The following ALOX12B variants were observed in gnomAD, a reference collection of about 807,000 sequenced individuals.
ALOX12B encodes the protein arachidonate 12-lipoxygenase, 12R-type.
Under a neutral mutation model 78.9 loss-of-function variants are expected in ALOX12B, and 47 were observed. The observed-to-expected ratio is 0.60, with a 90% confidence interval of 0.47 to 0.76. The LOEUF (loss-of-function observed/expected upper bound fraction) is 0.76. Among genes scored for constraint, ALOX12B ranks in the 30% least tolerant of loss-of-function variants. The pLI, the probability that ALOX12B is intolerant of heterozygous loss-of-function variation, is 0.00. For synonymous variants in ALOX12B, 370 were observed against 374.5 expected, an observed-to-expected ratio of 0.99 and a Z score of 0.14; for missense variants, 805 against 922.6, an observed-to-expected ratio of 0.87 and a Z score of 1.65.
intron 11 of ALOX12B, 25 bp from the exon 12 acceptor site, chr17:8,075,741 T>G: frequency 6.2e-7 from 1 of 1,614,064 alleles, no homozygotes. Context: ...GGGCCTCAGT[T>G]TGGATCCTCC....
rs543734853 is a variant in ALOX12B, at chr17:8,082,100, C to T, written c.353-913G>A. ...TTTTTCATGACTGAATAGTATTCCACTGTGTATATATACCACATTTTCTTT... is the reference window on the plus strand; with the variant it reads ...TTTTTCATGACTGAATAGTATTCCATTGTGTATATATACCACATTTTCTTT... On this transcript the variant is annotated intron_variant, in intron 2 of 14. Coordinates refer to ENST00000647874, the MANE Select transcript of ALOX12B (RefSeq NM_001139.3). Among the ~76,000 whole-genome samples the T allele has an allele frequency of 1.4e-4, 21 of 152,284 alleles. No homozygotes were observed. In the South Asian group the frequency reaches 4.4e-3, roughly 32 times the overall value.
chr17:8,075,734 C>T lies in ALOX12B; in HGVS notation c.1533-18G>A, dbSNP rs374760887. 163 of 1,614,042 alleles carry T rather than the reference C, an allele frequency of 1.0e-4. No homozygotes were observed. Among genetic ancestry groups the T allele is most frequent in the Non-Finnish European group, 1.3e-4 (156 of 1,180,022 alleles). On this transcript the variant is annotated intron_variant, in intron 11 of 14. Transcript: ENST00000647874. ...TCACATACCTGACCAGGGGACAGGG[C>T]CTCAGTTTGGATCCTCCTCCCCTCC...
Position 8,081,307 on chromosome 17 carries a change from G to C in ALOX12B, c.353-120C>G, listed in dbSNP as rs1052381247. The C allele has an allele frequency of 5.2e-6, 5 of 966,218 alleles. No individual in the cohort carries two copies. In the South Asian group the frequency reaches 6.8e-5, roughly 13 times the overall value. 59.9% of individuals were successfully genotyped at this position (966,218 alleles called of 1,614,324 possible). A position where few individuals can be genotyped will look rare whatever the true frequency, so the allele number is the denominator to read the frequency against. On this transcript the variant is annotated intron_variant, in intron 2 of 14. Transcript: ENST00000647874. ...TGGGGGGGCCCATGACCAAGGAGTGGGAAGGCTCACCTTGGGAGAGTGAAG... is the reference window on the plus strand; with the variant it reads ...TGGGGGGGCCCATGACCAAGGAGTGCGAAGGCTCACCTTGGGAGAGTGAAG...
intron 1 of ALOX12B, 123 bp from the exon 2 acceptor site, chr17:8,086,343 C>T (rs914018270): frequency 1.2e-5 from 12 of 976,374 alleles, no homozygotes; most frequent in African/African-American, 6.5e-5. Context: ...CCTGGACTGA[C>T]GGAGGGACAG....
chr17:8,083,671 A>G (rs1296607747), intron 2 of ALOX12B, among the ~76,000 whole-genome samples: 2 of 151,170 alleles, frequency 1.3e-5, no homozygotes, highest in East Asian at 2.0e-4. Context: ...AGAGGTTACA[A>G]TGAGCTGAGA....
At position 8,079,427 on chromosome 17, in the gene ALOX12B, G is replaced by A. The variant is rs145726040; in HGVS notation, c.1040C>T (p.Pro347Leu). 415 of 1,551,542 alleles carry A rather than the reference G, an allele frequency of 2.7e-4. No individual in the cohort carries two copies. The highest frequency in any genetic ancestry group is 3.4e-4 in the Non-Finnish European group (391 of 1,147,284). The change falls in exon 8 of 15, where the codon CCC becomes CTC. Residue 347 changes from proline to leucine, a missense_variant. By Grantham distance (98) the Pro-to-Leu change is moderately conservative. Transcript: ENST00000647874. This position sits in a 1 kb window ranked among gnomAD's most constrained non-coding sequence, Gnocchi z 6.4. ...GGCGATGGGCATCATCTTGCCCTCG[G>A]GTCCAAAGTGCAGCAGGCAGAGGGG... ...CAPLCLLHFG[P>L]EGKMMPIAIQ...
At position 8,081,102 on chromosome 17, in the gene ALOX12B, T is replaced by G. The variant is rs1467039403; in HGVS notation, c.434+4A>C. The G allele has an allele frequency of 1.2e-6, 2 of 1,612,316 alleles. No individual in the cohort carries two copies. ...CGCCCAGACTCTGCCACCCGCCCCC[T>G]CACTGGTAGAAGTCCTGCTTGGCTC... On this transcript the variant is annotated splice_donor_region_variant and intron_variant, in intron 3 of 14. Transcript: ENST00000647874.
At chr17:8,073,407 C>T (rs1237613473) in intron 13 of ALOX12B, 89 bp from the exon 14 acceptor site, 4 of 1,546,404 alleles carry the variant, frequency 2.6e-6, no homozygotes, top group East Asian at 2.3e-5. Flanking sequence ...CCTCCAGTCG[C>T]TGAGATGGAC....
chr17:8,073,129 C>T lies in ALOX12B; in HGVS notation c.1926+19G>A. 1.2e-6 allele frequency: 2 copies of T among 1,613,880 alleles called. No individual in the cohort carries two copies. Among genetic ancestry groups the T allele is most frequent in the Non-Finnish European group, 1.7e-6 (2 of 1,180,030 alleles). On this transcript the variant is annotated intron_variant, in intron 14 of 14. Transcript: ENST00000647874. The stretch of plus-strand genomic sequence containing the variant: ...CTGGTCCCCTCCCTGTGCTCAGAGT[C>T]CCCCATCCCGTCTCGCACCCTGTCG...
chr17:8,087,623 G>T lies in ALOX12B; in HGVS notation c.-181C>A. On this transcript the variant is annotated 5_prime_UTR_variant, in exon 1 of 15. Coordinates refer to ENST00000647874, the MANE Select transcript of ALOX12B (RefSeq NM_001139.3). The stretch of plus-strand genomic sequence containing the variant: ...GGCCTGCCAGCCAAATTCTGGAAAA[G>T]CTGCTGCCCTTGGTGGCCGGGGTGG... 1 of 1,066,606 alleles carries T rather than the reference G, an allele frequency of 9.4e-7. No homozygotes were observed. The highest frequency in any genetic ancestry group is 1.4e-6 in the Non-Finnish European group (1 of 735,450). 66.1% of individuals were successfully genotyped at this position (1,066,606 alleles called of 1,614,324 possible). A position where few individuals can be genotyped will look rare whatever the true frequency, so the allele number is the denominator to read the frequency against.
In ALOX12B at chr17:8,079,762, G is replaced by A; in HGVS notation, c.927+7C>T. ...AGGGCCGGGGTCTCCGCCGGAGCGG[G>A]CCTCACCTCCAGCTCCGCTTGCAAG... On this transcript the variant is annotated splice_region_variant and intron_variant, in intron 7 of 14. Coordinates refer to ENST00000647874, the MANE Select transcript of ALOX12B (RefSeq NM_001139.3). The surrounding 1 kb of genome is among the most constrained non-coding windows in gnomAD (Gnocchi z 6.4). The A allele has an allele frequency of 6.2e-7, 1 of 1,610,656 alleles. No individual in the cohort carries two copies. Among genetic ancestry groups the A allele is most frequent in the Non-Finnish European group, 8.5e-7 (1 of 1,179,188 alleles).
chr17:8,082,750 C>A (rs771383832), intron 2 of ALOX12B, among the ~76,000 whole-genome samples: 4 of 152,122 alleles, frequency 2.6e-5, no homozygotes, highest in Non-Finnish European at 4.4e-5. Context: ...GCCTCCCTGG[C>A]CCCCACTCTT....
Position 8,080,092 on chromosome 17 carries a change from G to T in ALOX12B, c.754+143C>A. 6.8e-7 allele frequency: 1 copy of T among 1,478,870 alleles called. No homozygotes were observed. The highest frequency in any genetic ancestry group is 9.4e-7 in the Non-Finnish European group (1 of 1,063,296). 91.6% of individuals were successfully genotyped at this position (1,478,870 alleles called of 1,614,324 possible). ...CGCTGAGCGGCCGGAGGAGCCCGGTGCGACATTTTCCAAGAAGCCGCCAGA... is the reference window on the plus strand; with the variant it reads ...CGCTGAGCGGCCGGAGGAGCCCGGTTCGACATTTTCCAAGAAGCCGCCAGA... On this transcript the variant is annotated intron_variant, in intron 6 of 14. Transcript: ENST00000647874. This position sits in a 1 kb window ranked among gnomAD's most constrained non-coding sequence, Gnocchi z 4.8.
intron 12 of ALOX12B, 79 bp downstream of exon 12, chr17:8,075,516 G>A: frequency 6.2e-7 from 1 of 1,605,886 alleles, no homozygotes; most frequent in South Asian, 1.1e-5. Flanking sequence ...ATCCAGCCCA[G>A]GAGGGCCCTA....
chr17:8,083,157 G>A (rs965121025), intron 2 of ALOX12B, among the ~76,000 whole-genome samples: 10 of 151,708 alleles, frequency 6.6e-5, no homozygotes, highest in African/African-American at 2.4e-4. Flanking sequence ...TAATATATGG[G>A]GTATGTGTGT....
intron 8 of ALOX12B, among the ~76,000 whole-genome samples, chr17:8,077,545 C>G (rs1198087454): frequency 1.3e-5 from 2 of 152,246 alleles, no homozygotes; most frequent in Non-Finnish European, 2.9e-5. Flanking sequence ...GGATTCCTAG[C>G]CCCTCAGGGG....
chr17:8,084,277 C>T (rs886777150), intron 2 of ALOX12B, among the ~76,000 whole-genome samples: 3 of 152,222 alleles, frequency 2.0e-5, no homozygotes, highest in Admixed American at 1.3e-4. Flanking sequence ...CTGTGCCTAC[C>T]GCTGCAGCCC....
Position 8,079,440 on chromosome 17 carries a change from G to C in ALOX12B, c.1027C>G (p.Leu343Val), listed in dbSNP as rs1977158036. The change falls in exon 8 of 15, where the codon CTG (leucine) becomes GTG (valine). Residue 343 changes from leucine to valine, a missense_variant. Physicochemically the swap from Leu to Val is conservative, Grantham distance 32 (BLOSUM62 1). Coordinates refer to ENST00000647874, the MANE Select transcript of ALOX12B (RefSeq NM_001139.3). This position sits in a 1 kb window ranked among gnomAD's most constrained non-coding sequence, Gnocchi z 6.4. ...ATCTTGCCCTCGGGTCCAAAGTGCA[G>C]CAGGCAGAGGGGGGCGCAGTGGTGC... ...KQHHCAPLCL[L>V]HFGPEGKMMP... 1.3e-6 allele frequency: 2 copies of C among 1,551,364 alleles called. No individual in the cohort carries two copies. The highest frequency in any genetic ancestry group is 2.4e-5 in the South Asian group (2 of 84,088).
intron 9 of ALOX12B, 82 bp downstream of exon 9, chr17:8,076,908 A>G: frequency 6.7e-7 from 1 of 1,500,488 alleles, no homozygotes; most frequent in Non-Finnish European, 9.1e-7. Context: ...AGTCTCTCTG[A>G]CTGCTCAGTG....
Sources: gnomAD v4.1 joint callset for allele counts (sites outside exome capture counted in the v4.1 genomes callset) on GRCh38, gnomAD v4.1.1 for gene constraint, Gnocchi (gnomAD v3.1) non-coding constraint, MANE v1.5 for transcripts, NCBI Gene and HGNC (gene_info 2026-07-23, HGNC 2026-07-21) for gene names.